The following RIC8B variants were observed in gnomAD, a reference collection of about 807,000 sequenced individuals.
RIC8B encodes the protein chaperone Ric-8B.
RIC8B carries 16 observed loss-of-function variants against 57.5 expected under a neutral mutation model. That is an observed-to-expected ratio of 0.28 (90% CI 0.19 to 0.42). The LOEUF is 0.42. Among genes scored for constraint, RIC8B ranks in the 10% least tolerant of loss-of-function variants. RIC8B has a pLI of 1.00. For missense variants in RIC8B, 481 were observed against 677.0 expected (o/e 0.71, Z 3.21); for synonymous variants, 216 against 250.8 (o/e 0.86, Z 1.31).
In RIC8B at chr12:106,886,832, C is replaced by T. The variant is rs1951202851; in HGVS notation, c.*817C>T. 1 of 152,462 alleles carries T rather than the reference C, an allele frequency of 6.6e-6. No homozygotes were observed. The highest frequency in any genetic ancestry group is 6.6e-5 in the Admixed American group (1 of 15,250). The allele number at this position is 152,462 out of a possible 1,614,324, so 9.4% of individuals were successfully genotyped here. A position where few individuals can be genotyped will look rare whatever the true frequency, so the allele number is the denominator to read the frequency against. On this transcript the variant is annotated 3_prime_UTR_variant, in exon 10 of 10. Transcript: ENST00000392837. ...CATCCCAGCATAGAGAATGGGGACT[C>T]CCTGAGTAATGGGAGTTCTTTCATG... is the stretch of plus-strand genomic sequence containing the variant.
chr12:106,776,318 A>G (rs1165330795), intron 1 of RIC8B, among the ~76,000 whole-genome samples: 1 of 152,232 alleles, frequency 6.6e-6, no homozygotes, highest in African/African-American at 2.4e-5. Flanking sequence ...ATAGTTGTAC[A>G]TATTGTGGAG....
intron 7 of RIC8B, among the ~76,000 whole-genome samples, chr12:106,858,689 T>C (rs1949810353): frequency 6.6e-6 from 1 of 152,038 alleles, no homozygotes; most frequent in Admixed American, 6.6e-5. Flanking sequence ...ACCAATAGGT[T>C]TTAAGATTGA....
chr12:106,868,647 C>G (rs536730587), intron 8 of RIC8B, among the ~76,000 whole-genome samples: 15 of 151,992 alleles, frequency 9.9e-5, no homozygotes, highest in Admixed American at 6.6e-4. Context: ...TTAGGAAATA[C>G]GATGACCCAT....
intron 1 of RIC8B, chr12:106,775,039 T>A: frequency 1.8e-6 from 1 of 561,710 alleles, no homozygotes; most frequent in Non-Finnish European, 3.2e-6. Flanking sequence ...CGCCCACTCC[T>A]CTGATTCCTG....
chr12:106,834,242 C>T (rs2046486992), intron 4 of RIC8B, among the ~76,000 whole-genome samples: 1 of 152,108 alleles, frequency 6.6e-6, no homozygotes, highest in Non-Finnish European at 1.5e-5. Context: ...TTGGATTGTC[C>T]TTGTTTTGAC....
In RIC8B at chr12:106,886,721, A is replaced by G. The variant is rs1450360347; in HGVS notation, c.*706A>G. On this transcript the variant is annotated 3_prime_UTR_variant, in exon 10 of 10. Coordinates refer to ENST00000392837, the MANE Select transcript of RIC8B (RefSeq NM_001330145.2). ...CCTAATGTACCTGAACACTAGTACC[A>G]TAGAACTGAACCACCATCTGTATCA... 6.6e-6 allele frequency: 1 copy of G among 152,654 alleles called. No homozygotes were observed. The highest frequency in any genetic ancestry group is 1.5e-5 in the Non-Finnish European group (1 of 68,054). 9.5% of individuals were successfully genotyped at this position (152,654 alleles called of 1,614,324 possible).
chr12:106,817,852 C>T (rs1466177007), intron 3 of RIC8B, among the ~76,000 whole-genome samples: 1 of 150,740 alleles, frequency 6.6e-6, no homozygotes, highest in Non-Finnish European at 1.5e-5. Context: ...AATCTCTCAC[C>T]AGAGTGCAGA....
intron 2 of RIC8B, among the ~76,000 whole-genome samples, chr12:106,793,258 C>A (rs2044335746): frequency 6.6e-6 from 1 of 152,152 alleles, no homozygotes; most frequent in African/African-American, 2.4e-5. Flanking sequence ...CACACAGAAG[C>A]ATACCATTGT....
intron 7 of RIC8B, among the ~76,000 whole-genome samples, chr12:106,858,483 C>T (rs898893787): frequency 2.0e-5 from 3 of 152,076 alleles, no homozygotes; most frequent in Non-Finnish European, 4.4e-5. Context: ...TACCTATATA[C>T]ACTGAACACT....
intron 8 of RIC8B, among the ~76,000 whole-genome samples, chr12:106,861,529 A>T (rs140182923): frequency 6.7e-4 from 102 of 152,112 alleles, no homozygotes; most frequent in Admixed American, 6.0e-3. Context: ...GTGTCCTAGA[A>T]ATAAAGACTT....
intron 2 of RIC8B, among the ~76,000 whole-genome samples, chr12:106,795,308 C>T (rs1353781008): frequency 6.6e-6 from 1 of 152,096 alleles, no homozygotes; most frequent in Non-Finnish European, 1.5e-5. Context: ...TTCGTCTTCT[C>T]ACGCCAAGAC....
chr12:106,876,750 A>G (rs1950682681), intron 9 of RIC8B, among the ~76,000 whole-genome samples: 1 of 152,108 alleles, frequency 6.6e-6, no homozygotes, highest in South Asian at 2.1e-4. Flanking sequence ...TGACTAGTAG[A>G]GGAACATCAA....
chr12:106,857,153 GT>G (rs761680122), intron 7 of RIC8B, among the ~76,000 whole-genome samples: 1 of 152,132 alleles, frequency 6.6e-6, no homozygotes, highest in Non-Finnish European at 1.5e-5. Context: ...ATCCAGGAAG[GT>G]TGTAAAATCC....
intron 3 of RIC8B, among the ~76,000 whole-genome samples, chr12:106,820,536 T>C (rs1431407597): frequency 6.6e-6 from 1 of 152,238 alleles, no homozygotes; most frequent in Non-Finnish European, 1.5e-5. Flanking sequence ...CATGTTATTC[T>C]AGGGACTGTA....
intron 4 of RIC8B, among the ~76,000 whole-genome samples, chr12:106,830,776 G>T (rs1303137774): frequency 6.6e-6 from 1 of 152,064 alleles, no homozygotes; most frequent in Non-Finnish European, 1.5e-5. Flanking sequence ...CACATATCTT[G>T]TCACTGTCTT....
intron 3 of RIC8B, among the ~76,000 whole-genome samples, chr12:106,825,365 G>C (rs1482848928): frequency 3.9e-5 from 6 of 152,202 alleles, no homozygotes. Flanking sequence ...ACCAGTCTCT[G>C]AAATAACCTG....
rs562412414 is a variant in RIC8B, at chr12:106,816,828, TAGA to T, written c.741+1530_741+1532del. Among the ~76,000 whole-genome samples the T allele has an allele frequency of 9.2e-5, 14 of 152,366 alleles. 1 individual carries two copies. In the South Asian group the frequency reaches 2.5e-3, roughly 27 times the overall value. ...CTTCAGTTATAAGTAATATCGGAGC[TAGA>T]AGAAGCTTTAGAAAATGTTGAAGTA... On this transcript the variant is annotated intron_variant, in intron 3 of 9. Transcript: ENST00000392837.
chr12:106,803,734 C>T (rs555557284), intron 2 of RIC8B, among the ~76,000 whole-genome samples: 1 of 152,260 alleles, frequency 6.6e-6, no homozygotes, highest in South Asian at 2.1e-4. Context: ...CCATTAAATC[C>T]TTTTGAGAAA....
chr12:106,840,526 A>G (rs1238702518), intron 4 of RIC8B, among the ~76,000 whole-genome samples: 1 of 152,196 alleles, frequency 6.6e-6, no homozygotes, highest in Non-Finnish European at 1.5e-5. Flanking sequence ...TTCTACCACA[A>G]ATAAAACTGT....
Sources: allele counts gnomAD v4.1 joint callset (sites outside exome capture counted in the v4.1 genomes callset), GRCh38; gene constraint gnomAD v4.1.1; transcripts MANE v1.5; gene names NCBI Gene and HGNC (gene_info 2026-07-23, HGNC 2026-07-21).